Variants in PLCXD3 observed in about 807,000 individuals in gnomAD.
PLCXD3 encodes the protein phosphatidylinositol specific phospholipase C X domain containing 3, also known as PI-PLC X domain-containing protein 3.
A neutral mutation model predicts 25.5 loss-of-function variants in PLCXD3; 19 were observed. The observed-to-expected ratio is 0.75, with a 90% confidence interval of 0.52 to 1.09. The LOEUF (loss-of-function observed/expected upper bound fraction) is 1.09. Among genes scored for constraint, PLCXD3 ranks in the 50% least tolerant of loss-of-function variants. The pLI is 0.00. For missense variants in PLCXD3, 411 were observed against 388.1 expected, an observed-to-expected ratio of 1.06 and a Z score of -0.50; for synonymous variants, 174 against 137.6, an observed-to-expected ratio of 1.26 and a Z score of -1.85.
chr5:41,437,543 T>C (rs1362551138), intron 1 of PLCXD3, among the ~76,000 whole-genome samples: 1 of 152,228 alleles, frequency 6.6e-6, no homozygotes, highest in African/African-American at 2.4e-5. Flanking sequence ...ATCTCAGTTT[T>C]CTTTCTTCTA....
At chr5:41,453,052 T>C (rs1747672307) in intron 1 of PLCXD3, among the ~76,000 whole-genome samples, 1 of 152,094 alleles carries the variant, frequency 6.6e-6, no homozygotes, top group Admixed American at 6.6e-5. Context: ...TTTTCAAGTA[T>C]ACAACACACT....
chr5:41,482,542 A>G (rs970977785), intron 1 of PLCXD3, among the ~76,000 whole-genome samples: 2 of 152,200 alleles, frequency 1.3e-5, no homozygotes, highest in Non-Finnish European at 2.9e-5. Flanking sequence ...GGAGAGACCT[A>G]AGAAAGTAAT....
chr5:41,341,284 A>G (rs1744140828), intron 2 of PLCXD3, among the ~76,000 whole-genome samples: 1 of 152,180 alleles, frequency 6.6e-6, no homozygotes, highest in African/African-American at 2.4e-5. Flanking sequence ...TCCAGAGTGG[A>G]CAGCTTCCTA....
At chr5:41,377,363 A>G (rs1288747273) in intron 2 of PLCXD3, among the ~76,000 whole-genome samples, 1 of 151,986 alleles carries the variant, frequency 6.6e-6, no homozygotes, top group African/African-American at 2.4e-5. Context: ...GTTGGCCTGT[A>G]CAAATATGGT....
At chr5:41,353,295 G>T (rs950485891) in intron 2 of PLCXD3, among the ~76,000 whole-genome samples, 1 of 151,620 alleles carries the variant, frequency 6.6e-6, no homozygotes, top group Non-Finnish European at 1.5e-5. Context: ...TAGAGACAGG[G>T]TTTCACTGTG....
chr5:41,355,028 C>T (rs1744578422), intron 2 of PLCXD3, among the ~76,000 whole-genome samples: 1 of 152,150 alleles, frequency 6.6e-6, no homozygotes, highest in Non-Finnish European at 1.5e-5. Flanking sequence ...ATGTAGTTTT[C>T]TATGACTAAA....
In PLCXD3 at chr5:41,447,234, G is replaced by A. The variant is rs185166376; in HGVS notation, c.103+63190C>T. Among the ~76,000 whole-genome samples, 46 of 152,208 alleles carry A rather than the reference G, an allele frequency of 3.0e-4. No individual in the cohort carries two copies. The East Asian group carries it at 5.2e-3, about 17-fold the overall frequency. On this transcript the variant is annotated intron_variant, in intron 1 of 2. Coordinates refer to ENST00000377801, the MANE Select transcript of PLCXD3 (RefSeq NM_001005473.3). ...GTTGCCCTTTTTTACTCATTGCTAA[G>A]CATTAATAAGTTAACAGAAAGGCAG...
At chr5:41,387,344 A>G (rs1469919522) in intron 1 of PLCXD3, among the ~76,000 whole-genome samples, 3 of 152,128 alleles carry the variant, frequency 2.0e-5, no homozygotes, top group Non-Finnish European at 4.4e-5. Context: ...CAGCTAATTC[A>G]TATCCATCGT....
At chr5:41,413,370 T>C (rs1746611092) in intron 1 of PLCXD3, among the ~76,000 whole-genome samples, 1 of 152,190 alleles carries the variant, frequency 6.6e-6, no homozygotes, top group Non-Finnish European at 1.5e-5. Context: ...GGAAGAGTCA[T>C]TTCAAATCAA....
chr5:41,333,907 C>T (rs1265642458), intron 2 of PLCXD3, among the ~76,000 whole-genome samples: 1 of 152,086 alleles, frequency 6.6e-6, no homozygotes, highest in African/African-American at 2.4e-5. Flanking sequence ...GGAAAAAAAT[C>T]CCCTCACCTT....
chr5:41,411,003 G>T (rs1235678416), intron 1 of PLCXD3, among the ~76,000 whole-genome samples: 2 of 152,144 alleles, frequency 1.3e-5, no homozygotes, highest in Non-Finnish European at 2.9e-5. Flanking sequence ...TGGGAAGACA[G>T]AACACATAGC....
chr5:41,437,297 A>G (rs1003672427), intron 1 of PLCXD3, among the ~76,000 whole-genome samples: 1 of 152,250 alleles, frequency 6.6e-6, no homozygotes, highest in Non-Finnish European at 1.5e-5. Context: ...AAAATGATGA[A>G]GCTCTGGCCA....
intron 2 of PLCXD3, among the ~76,000 whole-genome samples, chr5:41,353,768 T>C (rs1744540095): frequency 6.6e-6 from 1 of 152,186 alleles, no homozygotes; most frequent in Non-Finnish European, 1.5e-5. Context: ...TCTGAGTTTG[T>C]TCTAGTTGGA....
intron 1 of PLCXD3, among the ~76,000 whole-genome samples, chr5:41,437,026 A>G (rs1287795584): frequency 6.6e-6 from 1 of 152,224 alleles, no homozygotes; most frequent in Non-Finnish European, 1.5e-5. Context: ...AGAGGAGACC[A>G]ATGTAAAATC....
intron 1 of PLCXD3, among the ~76,000 whole-genome samples, chr5:41,420,191 C>CCAGAG (rs1261360930): frequency 6.6e-6 from 1 of 152,110 alleles, no homozygotes; most frequent in Non-Finnish European, 1.5e-5. Context: ...GTCTATATCC[C>CCAGAG]ACCCACAGAA....
chr5:41,391,354 A>T (rs1459637113), intron 1 of PLCXD3, among the ~76,000 whole-genome samples: 1 of 152,148 alleles, frequency 6.6e-6, no homozygotes, highest in Non-Finnish European at 1.5e-5. Flanking sequence ...TTTGTCTTTC[A>T]TCTTGGATAC....
At chr5:41,424,325 C>G (rs760744625) in intron 1 of PLCXD3, among the ~76,000 whole-genome samples, 12 of 152,148 alleles carry the variant, frequency 7.9e-5, no homozygotes, top group Non-Finnish European at 1.3e-4. Flanking sequence ...GGGCAGATCA[C>G]CTGAGGTCAG....
Position 41,311,370 on chromosome 5 carries a change from T to C in PLCXD3, c.*2247A>G, listed in dbSNP as rs1319023570. On this transcript the variant is annotated 3_prime_UTR_variant, in exon 3 of 3. Transcript: ENST00000377801. Reference sequence around the variant, plus strand: ...TTTTAAAAATAATTAAGTCCTACACTAGAATTCTTTTACAAAAATACTTTG... The same window carrying C: ...TTTTAAAAATAATTAAGTCCTACACCAGAATTCTTTTACAAAAATACTTTG... The C allele has an allele frequency of 6.6e-6, 1 of 152,116 alleles. No homozygotes were observed. Among genetic ancestry groups the C allele is most frequent in the Non-Finnish European group, 1.5e-5 (1 of 67,990 alleles). 9.4% of individuals were successfully genotyped at this position (152,116 alleles called of 1,614,324 possible).
rs139642308 is a variant in PLCXD3, at chr5:41,375,295, A to G, written c.812+6531T>C. On this transcript the variant is annotated intron_variant, in intron 2 of 2. Coordinates refer to ENST00000377801, the MANE Select transcript of PLCXD3 (RefSeq NM_001005473.3). ...CAGGGCACCATGCAGTGTTGAGTGC[A>G]GTGCAGACTGAAAGCCCTTCCATGT... Among the ~76,000 whole-genome samples, 9 of 152,238 alleles carry G rather than the reference A, an allele frequency of 5.9e-5. 1 individual carries two copies. Among genetic ancestry groups the G allele is most frequent in the African/African-American group, 2.2e-4 (9 of 41,564 alleles).
Sources: allele counts gnomAD v4.1 joint callset (sites outside exome capture counted in the v4.1 genomes callset), GRCh38; gene constraint gnomAD v4.1.1; transcripts MANE v1.5; gene names NCBI Gene and HGNC (gene_info 2026-07-23, HGNC 2026-07-21).